TTLL5: variants seen among roughly 807,000 people sequenced by gnomAD.
The protein encoded by TTLL5 is tubulin polyglutamylase TTLL5.
Under a neutral mutation model 168.4 loss-of-function variants are expected in TTLL5, and 132 were observed. The observed-to-expected ratio is 0.78, with a 90% CI of 0.68 to 0.91. The LOEUF (loss-of-function observed/expected upper bound fraction) is 0.91, where lower values mean the gene tolerates loss of function less well. Ranked by LOEUF, TTLL5 falls within the 40% of genes least tolerant of loss-of-function variation. TTLL5 has a pLI of 0.00. For synonymous variants in TTLL5, 546 were observed against 558.6 expected (o/e 0.98, Z 0.32); for missense variants, 1,545 against 1,581.5 (o/e 0.98, Z 0.39).
intron 1 of TTLL5, among the ~76,000 whole-genome samples, chr14:75,662,386 G>A (rs1890795649): frequency 1.3e-5 from 2 of 150,858 alleles, no homozygotes; most frequent in African/African-American, 4.9e-5. Context: ...GTGCAATGGC[G>A]CGATCTTGGC....
At chr14:75,781,298 C>T (rs1001421646) in intron 24 of TTLL5, among the ~76,000 whole-genome samples, 2 of 152,024 alleles carry the variant, frequency 1.3e-5, no homozygotes, top group East Asian at 1.9e-4. Context: ...AACTGGCCGG[C>T]GGGGGCAGTA....
At chr14:75,890,400 A>G (rs1223266918) in intron 30 of TTLL5, among the ~76,000 whole-genome samples, 1 of 152,218 alleles carries the variant, frequency 6.6e-6, no homozygotes, top group Non-Finnish European at 1.5e-5. Flanking sequence ...GAAAATAAAC[A>G]TACTTCTGCC....
At chr14:75,737,102 G>T (rs999302886) in intron 15 of TTLL5, among the ~76,000 whole-genome samples, 1 of 152,150 alleles carries the variant, frequency 6.6e-6, no homozygotes, top group East Asian at 1.9e-4. Context: ...AAATGAATTG[G>T]TCCCTTTTCT....
At chr14:75,776,928 G>A (rs1891751920) in intron 23 of TTLL5, 78 bp downstream of exon 23, 3 of 1,144,520 alleles carry the variant, frequency 2.6e-6, no homozygotes, top group Non-Finnish European at 3.8e-6. Context: ...GCATTCCTTT[G>A]TTTCTGATAC....
At chr14:75,927,750 C>G (rs925593637) in intron 31 of TTLL5, among the ~76,000 whole-genome samples, 3 of 152,116 alleles carry the variant, frequency 2.0e-5, no homozygotes, top group Non-Finnish European at 2.9e-5. Flanking sequence ...CTCTTTTTCC[C>G]TGTTTGGAAA....
chr14:75,799,134 A>G (rs550143882), intron 27 of TTLL5, among the ~76,000 whole-genome samples: 2 of 152,036 alleles, frequency 1.3e-5, no homozygotes, highest in East Asian at 3.9e-4. Context: ...TGTTTTATGA[A>G]TTTGGGAGCT....
At chr14:75,686,668 G>A (rs549917645) in intron 5 of TTLL5, among the ~76,000 whole-genome samples, 1 of 152,106 alleles carries the variant, frequency 6.6e-6, no homozygotes, top group African/African-American at 2.4e-5. Flanking sequence ...TGTTTTAGTA[G>A]CTAATCTTTC....
chr14:75,853,689 G>C (rs899910046), intron 28 of TTLL5, among the ~76,000 whole-genome samples: 17 of 152,202 alleles, frequency 1.1e-4, no homozygotes, highest in African/African-American at 3.9e-4. Flanking sequence ...TGAAAATGCT[G>C]TAACTTTTTG....
chr14:75,814,482 CCTTCAGG>C (rs1894261691), intron 27 of TTLL5: 1 of 152,112 alleles, frequency 6.6e-6, no homozygotes, highest in Non-Finnish European at 1.5e-5. Flanking sequence ...AGGGAAGAAA[CCTTCAGG>C]TATGAACCCT....
intron 3 of TTLL5, among the ~76,000 whole-genome samples, chr14:75,679,772 G>T (rs964728449): frequency 2.2e-4 from 34 of 152,172 alleles, no homozygotes; most frequent in African/African-American, 8.2e-4. Context: ...TGATTCTGCA[G>T]TGTTTCTTAT....
At chr14:75,869,013 A>AGTGTGTGTGTGTGTGTGTGTGTGTGTGT (rs3138589) in intron 29 of TTLL5, among the ~76,000 whole-genome samples, 1 of 124,418 alleles carries the variant, frequency 8.0e-6, no homozygotes, top group African/African-American at 3.1e-5. Flanking sequence ...AGAGGGGAGG[A>AGTGTGTGTGTGTGTGTGTGTGTGTGTGT]GTGTGTGTGT....
intron 12 of TTLL5, among the ~76,000 whole-genome samples, chr14:75,722,664 T>C (rs753968036): frequency 1.8e-4 from 28 of 152,018 alleles, no homozygotes; most frequent in Non-Finnish European, 1.9e-4. Context: ...TAGTTTTGTA[T>C]TAGAGACAGG....
At chr14:75,765,643 G>C (rs753764739) in intron 19 of TTLL5, among the ~76,000 whole-genome samples, 2 of 151,980 alleles carry the variant, frequency 1.3e-5, no homozygotes, top group Non-Finnish European at 2.9e-5. Context: ...TGGGCGAATC[G>C]CTTGAGCCCA....
At chr14:75,771,880 T>G in intron 21 of TTLL5, 26 bp downstream of exon 21, 1 of 1,586,132 alleles carries the variant, frequency 6.3e-7, no homozygotes, top group African/African-American at 1.4e-5. Flanking sequence ...CTGAAACCTT[T>G]TTACTTTCCC....
chr14:75,742,001 A>C (rs533881167), intron 15 of TTLL5, among the ~76,000 whole-genome samples: 2 of 152,296 alleles, frequency 1.3e-5, no homozygotes, highest in South Asian at 4.1e-4. Context: ...AAAACCATTA[A>C]AAACAATACC....
At chr14:75,695,265 C>T (rs979976469) in intron 6 of TTLL5, among the ~76,000 whole-genome samples, 1 of 152,188 alleles carries the variant, frequency 6.6e-6, no homozygotes, top group Non-Finnish European at 1.5e-5. Context: ...CGTCGCGCTC[C>T]CAGGCCTATT....
chr14:75,865,490 A>C (rs756891724), intron 29 of TTLL5, among the ~76,000 whole-genome samples: 3 of 152,066 alleles, frequency 2.0e-5, no homozygotes, highest in Non-Finnish European at 4.4e-5. Flanking sequence ...ATTTACCTTC[A>C]TAACAAACCT....
chr14:75,743,575 CTTTTTTTTTT>C lies in TTLL5; in HGVS notation c.1282-1505_1282-1496del, dbSNP rs33959405. On this transcript the variant is annotated intron_variant, in intron 15 of 31. Coordinates refer to ENST00000298832, the MANE Select transcript of TTLL5 (RefSeq NM_015072.5). ...TGAGATCAAACTCTCTGGCATCGCTCTTTTTTTTTTTTTTTTTTTTTTTTGAGACGGAGTT... is the reference window on the plus strand; with the variant it reads ...TGAGATCAAACTCTCTGGCATCGCTCTTTTTTTTTTTTTTGAGACGGAGTT... Among the ~76,000 whole-genome samples the C allele has an allele frequency of 1.5e-3, 93 of 63,124 alleles. 1 individual carries two copies. The highest frequency in any genetic ancestry group is 5.9e-3 in the African/African-American group (85 of 14,426). The allele number at this position is 63,124 out of a possible 152,430, so 41.4% of individuals were successfully genotyped here. A position where few individuals can be genotyped will look rare whatever the true frequency, so the allele number is the denominator to read the frequency against.
chr14:75,681,037 G>A (rs1198890079), intron 3 of TTLL5, among the ~76,000 whole-genome samples: 2 of 152,002 alleles, frequency 1.3e-5, no homozygotes, highest in African/African-American at 2.4e-5. Flanking sequence ...TAAAAAGTAC[G>A]TAATTACAAA....
Sources: gnomAD v4.1 joint callset for allele counts (sites outside exome capture counted in the v4.1 genomes callset) on GRCh38, gnomAD v4.1.1 for gene constraint, MANE v1.5 for transcripts, NCBI Gene and HGNC (gene_info 2026-07-23, HGNC 2026-07-21) for gene names.